The following ZNF91 variants were observed in gnomAD, a reference collection of about 807,000 sequenced individuals.
ZNF91 encodes zinc finger protein 91 (HPF7, HTF10).
In ZNF91, 7 loss-of-function variants were observed where a neutral mutation model predicts 12.6. The ratio of observed to expected loss-of-function variants is 0.55; its 90% CI spans 0.31 to 1.04. The LOEUF (loss-of-function observed/expected upper bound fraction) is 1.04. Ranked by LOEUF, ZNF91 falls within the 50% of genes least tolerant of loss-of-function variation. The probability of loss-of-function intolerance (pLI) is 0.05; values close to 1 mark genes in which losing one functional copy is unlikely to be tolerated. For synonymous variants in ZNF91, 453 were observed against 462.6 expected (o/e 0.98, Z 0.27); for missense variants, 1,217 against 1,385.4 (o/e 0.88, Z 1.93).
intron 3 of ZNF91, among the ~76,000 whole-genome samples, chr19:23,341,442 T>C (rs992047294): frequency 6.6e-6 from 1 of 152,188 alleles, no homozygotes; most frequent in African/African-American, 2.4e-5. Flanking sequence ...CTTGCACATT[T>C]ATTGCAGCAT....
At chr19:23,347,695 T>A (rs1298681978) in intron 3 of ZNF91, among the ~76,000 whole-genome samples, 1 of 152,124 alleles carries the variant, frequency 6.6e-6, no homozygotes, top group African/African-American at 2.4e-5. Flanking sequence ...CACCCTATCC[T>A]CACTTGTCTT....
intron 1 of ZNF91, among the ~76,000 whole-genome samples, chr19:23,392,396 C>CAAAAAAAA (rs71163502): frequency 2.8e-5 from 2 of 70,406 alleles, no homozygotes; most frequent in Non-Finnish European, 2.8e-5. Flanking sequence ...AACTCCATCT[C>CAAAAAAAA]AAAAAAAAAA....
intron 1 of ZNF91, among the ~76,000 whole-genome samples, chr19:23,318,215 C>A (rs1353077036): frequency 6.6e-6 from 1 of 152,172 alleles, no homozygotes; most frequent in Non-Finnish European, 1.5e-5. Context: ...TGTACCCTGC[C>A]CACATGGCCC....
At chr19:23,331,811 G>T (rs1304306053) in intron 1 of ZNF91, among the ~76,000 whole-genome samples, 1 of 152,086 alleles carries the variant, frequency 6.6e-6, no homozygotes, top group African/African-American at 2.4e-5. Flanking sequence ...GGTTAACACT[G>T]GTCAAATTCT....
chr19:23,393,570 G>C (rs1342975677), intron 1 of ZNF91, among the ~76,000 whole-genome samples: 1 of 151,988 alleles, frequency 6.6e-6, no homozygotes, highest in Non-Finnish European at 1.5e-5. Flanking sequence ...TGCGTCTAGG[G>C]AAAATAGACG....
downstream of ZNF91, chr19:23,357,640 G>A (rs575679642): frequency 3.4e-4 from 51 of 152,238 alleles, no homozygotes; most frequent in African/African-American, 9.4e-4. Context: ...GAGGCCACAT[G>A]TTCGAAGAAA....
At position 23,373,724 on chromosome 19, in the gene ZNF91, G is replaced by A. The variant is rs1969387035; in HGVS notation, c.253+18C>T. The A allele has an allele frequency of 4.4e-6, 7 of 1,597,292 alleles. No homozygotes were observed. Among genetic ancestry groups the A allele is most frequent in the Non-Finnish European group, 6.0e-6 (7 of 1,167,908 alleles). On this transcript the variant is annotated intron_variant, in intron 3 of 3. Transcript: ENST00000300619. ...GGGCCTCTCATCCTTGTCGTCTGTT[G>A]TATTCACTCTCACCTACCTGTGGGT...
At position 23,361,725 on chromosome 19, in the gene ZNF91, A is replaced by G. The variant is rs766819010; in HGVS notation, c.1254T>C (p.Ser418=). Residue 418 remains serine (S), a synonymous_variant, in exon 4 of 4, where the codon TCT becomes TCC. Transcript: ENST00000300619. ...TAAACTTATGTATAGTAAGATTTGA[A>G]GATCGATTAAAAGCTTTGCCACATT... The part of the protein sequence containing the change: ...CEECGKAFNR[S]SNLTIHKFIH... The G allele has an allele frequency of 1.9e-6, 3 of 1,606,668 alleles. No individual in the cohort carries two copies. The highest frequency in any genetic ancestry group is 2.6e-6 in the Non-Finnish European group (3 of 1,176,240).
chr19:23,394,103 A>G (rs566729323), intron 1 of ZNF91, among the ~76,000 whole-genome samples: 1 of 152,350 alleles, frequency 6.6e-6, no homozygotes, highest in Non-Finnish European at 1.5e-5. Context: ...TGGGAATGTC[A>G]GACGAAACTG....
chr19:23,327,999 G>A (rs1372538610), intron 1 of ZNF91: 9 of 151,856 alleles, frequency 5.9e-5, no homozygotes, highest in South Asian at 2.1e-4. Flanking sequence ...TTTTTCTATC[G>A]GACTTAGCCT....
downstream of ZNF91, among the ~76,000 whole-genome samples, chr19:23,334,397 T>C (rs1967970492): frequency 6.6e-6 from 1 of 152,150 alleles, no homozygotes; most frequent in Non-Finnish European, 1.5e-5. Flanking sequence ...TGCTAACGTT[T>C]TAGAAAGTTT....
chr19:23,359,622 TG>T lies in ZNF91; in HGVS notation c.3356del (p.Ser1119Ter). The stretch of plus-strand genomic sequence containing the variant: ...GAATTATCTTATGTTTAGTAAGAGC[TG>T]AGGACTCTTTAAAGGCTTTGCCACA... ...GECGKAFKES[S>X]ALTKHKIIHT... On this transcript the variant is annotated frameshift_variant, in exon 4 of 4. Coordinates refer to ENST00000300619, the MANE Select transcript of ZNF91 (RefSeq NM_003430.4). LOFTEE classifies it low-confidence loss of function (END_TRUNC). 1.2e-6 allele frequency: 2 copies of T among 1,614,092 alleles called. No homozygotes were observed. The highest frequency in any genetic ancestry group is 1.7e-6 in the Non-Finnish European group (2 of 1,179,954).
At chr19:23,335,477 T>TG (rs2145875406), downstream of ZNF91, among the ~76,000 whole-genome samples, 1 of 152,306 alleles carries the variant, frequency 6.6e-6, no homozygotes, top group East Asian at 1.9e-4. Flanking sequence ...CTCCAACCAA[T>TG]TCAAACTTCC....
downstream of ZNF91, among the ~76,000 whole-genome samples, chr19:23,334,085 T>C (rs531389285): frequency 1.3e-5 from 2 of 152,188 alleles, no homozygotes; most frequent in Non-Finnish European, 2.9e-5. Flanking sequence ...CCCTCAAATG[T>C]ACATGTTTTC....
chr19:23,357,643 C>T (rs983290643), downstream of ZNF91: 2 of 151,544 alleles, frequency 1.3e-5, no homozygotes, highest in African/African-American at 2.4e-5. Flanking sequence ...GCCACATGTT[C>T]GAAGAAAAAT....
chr19:23,360,397 T>A lies in ZNF91; in HGVS notation c.2582A>T (p.Lys861Ile). 1.9e-6 allele frequency: 3 copies of A among 1,614,168 alleles called. No individual in the cohort carries two copies. Among genetic ancestry groups the A allele is most frequent in the Non-Finnish European group, 1.7e-6 (2 of 1,180,020 alleles). The change falls in exon 4 of 4, where the codon AAA (lysine) becomes ATA (isoleucine). Residue 861 changes from lysine to isoleucine, a missense_variant. This residue lies in a region of ZNF91 where 491 missense variants were observed against 489.8 expected (regional missense o/e 1.00). Transcript: ENST00000300619. ...EKLYKCEECGKAFNQSSNLTT... is the reference protein window; with the variant it reads ...EKLYKCEECGIAFNQSSNLTT... ...AAGATTTGAAGATTGATTAAAAGCT[T>A]TGCCACATTCCTCACATTTGTAGAG...
At chr19:23,383,398 C>G (rs1467728818) in intron 1 of ZNF91, among the ~76,000 whole-genome samples, 1 of 152,072 alleles carries the variant, frequency 6.6e-6, no homozygotes. Flanking sequence ...TAAACAAAAC[C>G]TGGAAGCGGA....
intron 1 of ZNF91, among the ~76,000 whole-genome samples, chr19:23,393,133 TTC>T (rs1016882591): frequency 6.6e-6 from 1 of 152,076 alleles, no homozygotes; most frequent in African/African-American, 2.4e-5. Flanking sequence ...TGCACTATTT[TTC>T]TGCCCCCTAA....
At chr19:23,346,907 C>A (rs774990745) in intron 3 of ZNF91, among the ~76,000 whole-genome samples, 1 of 152,198 alleles carries the variant, frequency 6.6e-6, no homozygotes, top group African/African-American at 2.4e-5. Context: ...ATAGAAGCTC[C>A]GCACATCACC....
Sources: gnomAD v4.1 joint callset for allele counts (sites outside exome capture counted in the v4.1 genomes callset) on GRCh38, gnomAD v4.1.1 for gene constraint, gnomAD v4.1.1 regional missense constraint, MANE v1.5 for transcripts, NCBI Gene and HGNC (gene_info 2026-07-23, HGNC 2026-07-21) for gene names.